The following RNF182 variants were observed in gnomAD, a reference collection of about 807,000 sequenced individuals.
RNF182 encodes the protein E3 ubiquitin-protein ligase RNF182.
RNF182 carries 15 observed loss-of-function variants against 14.4 expected under a neutral mutation model. That is an observed-to-expected ratio of 1.04 (90% confidence interval 0.70 to 1.60). The LOEUF is 1.60. RNF182 is among the 40% of genes most tolerant of loss of function. The pLI, the probability that RNF182 is intolerant of heterozygous loss-of-function variation, is 0.00. For missense variants in RNF182, 268 were observed against 294.8 expected, an observed-to-expected ratio of 0.91 and a Z score of 0.67; for synonymous variants, 128 against 122.9, an observed-to-expected ratio of 1.04 and a Z score of -0.27.
intron 1 of RNF182, among the ~76,000 whole-genome samples, chr6:13,942,287 C>T (rs1484605505): frequency 6.6e-6 from 1 of 152,114 alleles, no homozygotes; most frequent in African/African-American, 2.4e-5. Context: ...TCTTTACTGT[C>T]TATCTTGCTT....
intron 1 of RNF182, among the ~76,000 whole-genome samples, chr6:13,938,676 C>T (rs933787932): frequency 6.6e-6 from 1 of 152,028 alleles, no homozygotes; most frequent in Non-Finnish European, 1.5e-5. Flanking sequence ...ATCCTGTTGA[C>T]CCAGCGTTAT....
At position 13,978,572 on chromosome 6, in the gene RNF182, C is replaced by G. The variant is rs1760405351; in HGVS notation, c.*709C>G. On this transcript the variant is annotated 3_prime_UTR_variant, in exon 3 of 3. Transcript: ENST00000488300. ...CTTTCCTCCATGTCTGTTTTCCTCT[C>G]TCCTCAGTCTTATCTGAGAAGAATG... is the stretch of plus-strand genomic sequence containing the variant. The G allele has an allele frequency of 3.3e-5, 2 of 60,820 alleles. No homozygotes were observed. Among genetic ancestry groups the G allele is most frequent in the Admixed American group, 3.9e-4 (2 of 5,170 alleles). The allele number at this position is 60,820 out of a possible 1,614,324, so 3.8% of individuals were successfully genotyped here.
intron 1 of RNF182, among the ~76,000 whole-genome samples, chr6:13,930,000 T>A (rs1291515526): frequency 1.3e-5 from 2 of 152,206 alleles, no homozygotes; most frequent in Admixed American, 1.3e-4. Flanking sequence ...TTTCCAAAGG[T>A]AGTTGTTCCT....
rs142925788 is a variant in RNF182 at position 13,970,161 on chromosome 6, G to A, written c.-366-4049G>A. On this transcript the variant is annotated intron_variant, in intron 1 of 2. Coordinates refer to ENST00000488300, the MANE Select transcript of RNF182 (RefSeq NM_152737.4). ...TTATTTTTATATGTTGGTATTTCAA[G>A]CCTTCTGGTTACTTTGAAATATACA... Among the ~76,000 whole-genome samples, 135 of 152,200 alleles carry A rather than the reference G, an allele frequency of 8.9e-4. No individual in the cohort carries two copies. In the East Asian group the frequency reaches 0.024, roughly 27 times the overall value.
At chr6:13,936,261 A>T (rs1759106545) in intron 1 of RNF182, among the ~76,000 whole-genome samples, 1 of 152,228 alleles carries the variant, frequency 6.6e-6, no homozygotes, top group Admixed American at 6.5e-5. Context: ...TCAGTAAGGA[A>T]CTAGCATCAT....
intron 1 of RNF182, among the ~76,000 whole-genome samples, chr6:13,972,315 A>G (rs931992705): frequency 1.3e-5 from 2 of 152,056 alleles, no homozygotes; most frequent in African/African-American, 4.8e-5. Context: ...AAAAAAAAAA[A>G]AAAAAAGCAG....
At chr6:13,974,923 C>G (rs1407475983) in intron 2 of RNF182, among the ~76,000 whole-genome samples, 1 of 152,240 alleles carries the variant, frequency 6.6e-6, no homozygotes, top group Non-Finnish European at 1.5e-5. Context: ...GCTAACCCTA[C>G]TGGGACCATC....
intron 1 of RNF182, chr6:13,961,576 G>A (rs1037004567): frequency 6.6e-6 from 1 of 152,258 alleles, no homozygotes; most frequent in African/African-American, 2.4e-5. Context: ...CGGAGTACCT[G>A]GTTTTTTTCT....
intron 1 of RNF182, among the ~76,000 whole-genome samples, chr6:13,948,158 A>T (rs1192057): frequency 6.6e-6 from 1 of 152,016 alleles, no homozygotes; most frequent in Non-Finnish European, 1.5e-5. Context: ...TTATGAATAC[A>T]TTAGTTTTCC....
At chr6:13,946,009 T>C (rs929315960) in intron 1 of RNF182, among the ~76,000 whole-genome samples, 1 of 152,104 alleles carries the variant, frequency 6.6e-6, no homozygotes, top group African/African-American at 2.4e-5. Context: ...GCCTTAGGTA[T>C]AATGCTTATT....
intron 1 of RNF182, among the ~76,000 whole-genome samples, chr6:13,960,723 A>G (rs562488945): frequency 6.6e-6 from 1 of 150,482 alleles, no homozygotes; most frequent in South Asian, 2.1e-4. Context: ...GATGTACAGT[A>G]TTAGTTACAT....
upstream of RNF182, chr6:13,924,641 A>T (rs1291679899): frequency 6.6e-6 from 1 of 152,208 alleles, no homozygotes; most frequent in Non-Finnish European, 1.5e-5. Context: ...TGGAATGTCC[A>T]GTGTGGGGAA....
At chr6:13,960,392 A>C (rs780715843) in intron 1 of RNF182, among the ~76,000 whole-genome samples, 85 of 152,344 alleles carry the variant, frequency 5.6e-4, no homozygotes, top group Middle Eastern at 3.4e-3. Context: ...CTGTAATCCC[A>C]GCACGTTGGG....
intron 1 of RNF182, among the ~76,000 whole-genome samples, chr6:13,946,141 A>ATTATTATTG (rs1491298059): frequency 1.2e-3 from 1 of 836 alleles, no homozygotes; most frequent in African/African-American, 2.0e-3. Flanking sequence ...AAAGCAAAAC[A>ATTATTATTG]TTATTATTAT....
In RNF182 at chr6:13,978,730, T is replaced by G. The variant is rs1052601326; in HGVS notation, c.*867T>G. ...AGCCTCACCCCTTGTCCTGAAAAGG[T>G]TCCATTTAAATTAGTTGCTATAAAT... On this transcript the variant is annotated 3_prime_UTR_variant, in exon 3 of 3. Coordinates refer to ENST00000488300, the MANE Select transcript of RNF182 (RefSeq NM_152737.4). The G allele has an allele frequency of 1.2e-5, 2 of 167,044 alleles. No homozygotes were observed. The highest frequency in any genetic ancestry group is 4.8e-5 in the African/African-American group (2 of 41,440). 10.3% of individuals were successfully genotyped at this position (167,044 alleles called of 1,614,324 possible).
intron 1 of RNF182, among the ~76,000 whole-genome samples, chr6:13,955,496 A>C (rs1759704228): frequency 6.6e-6 from 1 of 152,160 alleles, no homozygotes; most frequent in African/African-American, 2.4e-5. Context: ...AAAGGAGTTC[A>C]TTTTGTTTTT....
In RNF182 at chr6:13,978,569, T is replaced by C. The variant is rs1760405194; in HGVS notation, c.*706T>C. 1 of 138,528 alleles carries C rather than the reference T, an allele frequency of 7.2e-6. No homozygotes were observed. Among genetic ancestry groups the C allele is most frequent in the African/African-American group, 2.5e-5 (1 of 39,218 alleles). The allele number at this position is 138,528 out of a possible 1,614,324, so 8.6% of individuals were successfully genotyped here. ...ACTCTTTCCTCCATGTCTGTTTTCC[T>C]CTCTCCTCAGTCTTATCTGAGAAGA... On this transcript the variant is annotated 3_prime_UTR_variant, in exon 3 of 3. Transcript: ENST00000488300.
At chr6:13,948,674 G>A (rs1759498743) in intron 1 of RNF182, among the ~76,000 whole-genome samples, 2 of 151,996 alleles carry the variant, frequency 1.3e-5, no homozygotes, top group African/African-American at 2.4e-5. Flanking sequence ...GTTTGATTTG[G>A]GAATGTTTGT....
At chr6:13,939,849 G>T (rs1292561061) in intron 1 of RNF182, among the ~76,000 whole-genome samples, 1 of 152,136 alleles carries the variant, frequency 6.6e-6, no homozygotes, top group Non-Finnish European at 1.5e-5. Flanking sequence ...GGGCATAAAT[G>T]CATTTTTGTA....
Sources: gnomAD v4.1 joint callset for allele counts (sites outside exome capture counted in the v4.1 genomes callset) on GRCh38, gnomAD v4.1.1 for gene constraint, MANE v1.5 for transcripts, NCBI Gene and HGNC (gene_info 2026-07-23, HGNC 2026-07-21) for gene names.